The following FKBP6 variants were observed in gnomAD, a reference collection of about 807,000 sequenced individuals.
FKBP6 encodes the protein inactive peptidyl-prolyl cis-trans isomerase FKBP6.
Under a neutral mutation model 41.7 loss-of-function variants are expected in FKBP6, and 29 were observed. The ratio of observed to expected loss-of-function variants is 0.70; its 90% CI spans 0.52 to 0.95. The LOEUF (loss-of-function observed/expected upper bound fraction) is 0.95. Ranked by LOEUF, FKBP6 falls within the 40% of genes least tolerant of loss-of-function variation. The pLI is 0.00. For missense variants in FKBP6, 338 were observed against 408.7 expected, an observed-to-expected ratio of 0.83 and a Z score of 1.49; for synonymous variants, 130 against 165.1, an observed-to-expected ratio of 0.79 and a Z score of 1.63.
In FKBP6 at chr7:73,340,726, C is replaced by T; in HGVS notation, c.677C>T (p.Ser226Phe). 1 of 1,613,872 alleles carries T rather than the reference C, an allele frequency of 6.2e-7. No individual in the cohort carries two copies. The highest frequency in any genetic ancestry group is 8.5e-7 in the Non-Finnish European group (1 of 1,179,932). ...AAKLPVLLNLSFTYLKLDRPT... is the reference protein window; with the variant it reads ...AAKLPVLLNLFFTYLKLDRPT... The stretch of plus-strand genomic sequence containing the variant: ...AAGCTTCCTGTTCTCCTGAACCTGT[C>T]CTTTACATACCTGAAGCTAGACCGA... The change falls in exon 6 of 9, where the codon TCC (serine) becomes TTC (phenylalanine). Residue 226 changes from serine to phenylalanine, a missense_variant. Coordinates refer to ENST00000252037, the MANE Select transcript of FKBP6 (RefSeq NM_003602.5).
intron 2 of FKBP6, 87 bp from the exon 3 acceptor site, chr7:73,329,273 T>G: frequency 1.2e-6 from 1 of 832,954 alleles, no homozygotes; most frequent in Non-Finnish European, 2.1e-6. Context: ...CTGTTCACAT[T>G]GTTTCTGTGT....
chr7:73,331,729 C>G lies in FKBP6; in HGVS notation c.541C>G (p.Leu181Val), dbSNP rs1554547725. The G allele has an allele frequency of 1.2e-6, 2 of 1,613,240 alleles. No individual in the cohort carries two copies. Among genetic ancestry groups the G allele is most frequent in the African/African-American group, 1.3e-5 (1 of 74,880 alleles). ...AATEREFGNY[L>V]FRQNRFYDAK... ...TACGGAACGGGAGTTTGGCAACTAC[C>G]TTTTCCGCCAGAATCGTTTCTATGA... The change falls in exon 5 of 9, where the codon CTT (leucine) becomes GTT (valine). Residue 181 changes from leucine (L) to valine (V), a missense_variant. This residue lies in a region of FKBP6 where 239 missense variants were observed against 250.1 expected (regional missense o/e 0.96). Transcript: ENST00000252037.
At chr7:73,355,341 T>C (rs1338110695) in intron 8 of FKBP6, among the ~76,000 whole-genome samples, 6 of 152,220 alleles carry the variant, frequency 3.9e-5, no homozygotes, top group South Asian at 4.1e-4. Flanking sequence ...GATACATGTA[T>C]TGGGTTTTCA....
chr7:73,336,264 C>T (rs1177882493), intron 5 of FKBP6, among the ~76,000 whole-genome samples: 3 of 152,066 alleles, frequency 2.0e-5, no homozygotes, highest in Non-Finnish European at 4.4e-5. Context: ...TTGTCCTTTC[C>T]ACCATAAATT....
chr7:73,350,685 A>G (rs1268156586), intron 8 of FKBP6, among the ~76,000 whole-genome samples: 2 of 152,140 alleles, frequency 1.3e-5, no homozygotes, highest in Non-Finnish European at 2.9e-5. Flanking sequence ...AGTGGAAGTA[A>G]AGGCAAGGTT....
chr7:73,342,871 G>C lies in FKBP6; in HGVS notation c.958G>C (p.Asp320His). The change falls in exon 8 of 9, where the codon GAT (aspartate) becomes CAT (histidine). Residue 320 changes from aspartate to histidine, a missense_variant. By Grantham distance (81) the Asp-to-His change is moderately conservative. Coordinates refer to ENST00000252037, the MANE Select transcript of FKBP6 (RefSeq NM_003602.5). Reference sequence around the variant, plus strand: ...GCACCGCATGTTCGCGCCCTGTGGCGATGGTTCTACAGCAGGAGAAAGTTG... The same window carrying C: ...GCACCGCATGTTCGCGCCCTGTGGCCATGGTTCTACAGCAGGAGAAAGTTG... The part of the protein sequence containing the change: ...MWHRMFAPCG[D>H]GSTAGES The C allele has an allele frequency of 6.2e-7, 1 of 1,613,812 alleles. No individual in the cohort carries two copies. The highest frequency in any genetic ancestry group is 8.5e-7 in the Non-Finnish European group (1 of 1,179,674).
Position 73,328,211 on chromosome 7 carries a change from T to G in FKBP6, c.-218T>G, listed in dbSNP as rs1453669788. On this transcript the variant is annotated 5_prime_UTR_variant, in exon 1 of 9. Transcript: ENST00000252037. ...GGATCATACCTCGCACCTCACCGCG[T>G]GGCCTCTGTAGTTCCAGAGCTCGCG... 1 of 1,548,832 alleles carries G rather than the reference T, an allele frequency of 6.5e-7. No individual in the cohort carries two copies. Among genetic ancestry groups the G allele is most frequent in the Non-Finnish European group, 8.7e-7 (1 of 1,146,552 alleles).
chr7:73,352,515 C>T (rs547535231), intron 8 of FKBP6, among the ~76,000 whole-genome samples: 56 of 152,262 alleles, frequency 3.7e-4, no homozygotes, highest in African/African-American at 1.2e-3. Context: ...CATGAGTCCC[C>T]GCCAGCTTTG....
intron 4 of FKBP6, 52 bp from the exon 5 acceptor site, chr7:73,331,605 G>A: frequency 6.2e-7 from 1 of 1,608,410 alleles, no homozygotes; most frequent in South Asian, 1.1e-5. Flanking sequence ...CTTCCATTGT[G>A]GCATTACTGC....
chr7:73,343,469 C>G (rs1257057165), intron 8 of FKBP6, among the ~76,000 whole-genome samples: 2 of 152,038 alleles, frequency 1.3e-5, no homozygotes, highest in African/African-American at 4.8e-5. Flanking sequence ...CATCTTCTTT[C>G]TCCTGAGAAC....
At chr7:73,341,809 G>A (rs1351104038) in intron 7 of FKBP6, among the ~76,000 whole-genome samples, 14 of 151,800 alleles carry the variant, frequency 9.2e-5, no homozygotes, top group South Asian at 4.2e-4. Flanking sequence ...GATTACAGGC[G>A]TGTACCACCA....
intron 5 of FKBP6, among the ~76,000 whole-genome samples, chr7:73,335,329 C>T (rs1264502330): frequency 3.9e-5 from 6 of 152,152 alleles, no homozygotes; most frequent in African/African-American, 1.4e-4. Flanking sequence ...TGGTCAAAGA[C>T]AGCCTGCACA....
At chr7:73,356,783 T>C (rs1055050385) in intron 8 of FKBP6, among the ~76,000 whole-genome samples, 28 of 152,194 alleles carry the variant, frequency 1.8e-4, no homozygotes, top group South Asian at 1.0e-3. Context: ...TTGTATCTTT[T>C]TTGTTTCCCC....
intron 8 of FKBP6, among the ~76,000 whole-genome samples, chr7:73,350,270 C>G (rs192776829): frequency 6.6e-6 from 1 of 152,240 alleles, no homozygotes; most frequent in East Asian, 1.9e-4. Flanking sequence ...TGTCTGTAAA[C>G]CCACTTAACT....
intron 8 of FKBP6, among the ~76,000 whole-genome samples, chr7:73,347,226 A>G (rs972493640): frequency 1.3e-5 from 2 of 152,160 alleles, no homozygotes; most frequent in African/African-American, 2.4e-5. Context: ...TTTTATTCAT[A>G]TTTTAAATGC....
chr7:73,341,392 G>A lies in FKBP6; in HGVS notation c.893+10G>A. ...TGAAGAAACTGGCTAGGTGAGCTGT[G>A]TTTGCAGGAGCATGAAGAGAGATGG... On this transcript the variant is annotated intron_variant, in intron 7 of 8. Transcript: ENST00000252037. 1.3e-6 allele frequency: 2 copies of A among 1,501,598 alleles called. No homozygotes were observed. The highest frequency in any genetic ancestry group is 1.9e-6 in the Non-Finnish European group (2 of 1,077,638). The allele number at this position is 1,501,598 out of a possible 1,614,324, so 93.0% of individuals were successfully genotyped here. A position where few individuals can be genotyped will look rare whatever the true frequency, so the allele number is the denominator to read the frequency against.
intron 8 of FKBP6, among the ~76,000 whole-genome samples, chr7:73,353,042 T>C (rs1202632448): frequency 6.6e-6 from 1 of 152,174 alleles, no homozygotes; most frequent in Admixed American, 6.6e-5. Flanking sequence ...CTTCCTCTTC[T>C]TCAAAGACAG....
rs1554549366 is a variant in FKBP6 at position 73,340,784 on chromosome 7, T to A, written c.735T>A (p.Ala245=). 3 of 1,613,976 alleles carry A rather than the reference T, an allele frequency of 1.9e-6. No homozygotes were observed. The African/African-American group carries it at 4.0e-5, about 22-fold the overall frequency. Residue 245 remains alanine, a synonymous_variant, in exon 6 of 9, where the codon GCT becomes GCA. Transcript: ENST00000252037. The part of the protein sequence containing the change: ...PTIALCYGEQ[A]LIIDQKNAKA... Reference sequence around the variant, plus strand: ...TAGCCCTGTGCTATGGAGAGCAGGCTTTGATCATTGACCAAAAGAATGCCA... The same window carrying A: ...TAGCCCTGTGCTATGGAGAGCAGGCATTGATCATTGACCAAAAGAATGCCA...
chr7:73,351,885 CT>C (rs1805500442), intron 8 of FKBP6, among the ~76,000 whole-genome samples: 1 of 152,186 alleles, frequency 6.6e-6, no homozygotes, highest in Non-Finnish European at 1.5e-5. Context: ...CATTTGGATC[CT>C]CAGTTTCATC....
Sources: gnomAD v4.1 joint callset for allele counts (sites outside exome capture counted in the v4.1 genomes callset) on GRCh38, gnomAD v4.1.1 for gene constraint, gnomAD v4.1.1 regional missense constraint, MANE v1.5 for transcripts, NCBI Gene and HGNC (gene_info 2026-07-23, HGNC 2026-07-21) for gene names.